Variants in SYNPR observed in about 807,000 individuals in gnomAD.
The protein encoded by SYNPR is synaptoporin.
SYNPR carries 23 observed loss-of-function variants against 32.9 expected under a neutral mutation model. The ratio of observed to expected loss-of-function variants is 0.70; its 90% CI spans 0.50 to 0.99. SYNPR has a LOEUF of 0.99. SYNPR is among the 50% of genes least tolerant of loss of function. The pLI is 0.00. For synonymous variants in SYNPR, 146 were observed against 135.9 expected, an observed-to-expected ratio of 1.07 and a Z score of -0.52; for missense variants, 318 against 349.3, an observed-to-expected ratio of 0.91 and a Z score of 0.71.
chr3:63,601,057 G>A (rs1283448258), intron 4 of SYNPR, among the ~76,000 whole-genome samples: 1 of 152,148 alleles, frequency 6.6e-6, no homozygotes, highest in Non-Finnish European at 1.5e-5. Context: ...CAGATCACCT[G>A]AGGTCGGGAG....
At position 63,271,856 on chromosome 3, in the gene SYNPR, T is replaced by C. The variant is rs886854843; in HGVS notation, n.287+4407T>C. Among the ~76,000 whole-genome samples, 7 of 152,246 alleles carry C rather than the reference T, an allele frequency of 4.6e-5. No individual in the cohort carries two copies. The East Asian group carries it at 1.4e-3, about 29-fold the overall frequency. ...TTAGGATTATCCAATAATGTATGTGTATGTGTATCCGTACATCCCCCAAAA... is the reference window on the plus strand; with the variant it reads ...TTAGGATTATCCAATAATGTATGTGCATGTGTATCCGTACATCCCCCAAAA... On this transcript the variant is annotated intron_variant and non_coding_transcript_variant, in intron 3 of 4. Transcript: ENST00000478456.
At chr3:63,500,862 C>T (rs1001404111) in intron 3 of SYNPR, among the ~76,000 whole-genome samples, 1 of 152,086 alleles carries the variant, frequency 6.6e-6, no homozygotes, top group African/African-American at 2.4e-5. Flanking sequence ...ATAAACTATA[C>T]ATTATAGTAC....
chr3:63,322,469 G>A (rs2087121046), intron 2 of SYNPR, among the ~76,000 whole-genome samples: 1 of 152,006 alleles, frequency 6.6e-6, no homozygotes. Flanking sequence ...AGTAAGTCAG[G>A]GCTTAAATCC....
chr3:63,232,403 A>G (rs971632347), intron 1 of SYNPR, among the ~76,000 whole-genome samples: 1 of 151,866 alleles, frequency 6.6e-6, no homozygotes, highest in Non-Finnish European at 1.5e-5. Context: ...CGTTTTTGCC[A>G]TGTTGGCCAG....
At chr3:63,398,242 G>T (rs1341201097) in intron 2 of SYNPR, among the ~76,000 whole-genome samples, 4 of 152,326 alleles carry the variant, frequency 2.6e-5, no homozygotes, top group Non-Finnish European at 2.9e-5. Flanking sequence ...GAGCGTAAGA[G>T]CTGGCACTTG....
At position 63,249,926 on chromosome 3, in the gene SYNPR, A is replaced by G. The variant is rs143627502; in HGVS notation, n.67-2573A>G. Among the ~76,000 whole-genome samples the G allele has an allele frequency of 9.9e-5, 15 of 152,232 alleles. 1 individual carries two copies. In the East Asian group the frequency reaches 2.7e-3, roughly 27 times the overall value. On this transcript the variant is annotated intron_variant and non_coding_transcript_variant, in intron 1 of 4. Coordinates refer to the SYNPR transcript ENST00000478456. ...AGAATGTCTGGCTTTTGAGTTCCAA[A>G]AGCCTAGACTCTGACATCAAGAAAA...
chr3:63,531,525 A>T (rs1159879571), intron 3 of SYNPR, among the ~76,000 whole-genome samples: 1 of 152,176 alleles, frequency 6.6e-6, no homozygotes, highest in South Asian at 2.1e-4. Flanking sequence ...ACCCTACTCG[A>T]GTATAACCTC....
At chr3:63,504,067 T>C (rs1187856305) in intron 3 of SYNPR, among the ~76,000 whole-genome samples, 2 of 152,148 alleles carry the variant, frequency 1.3e-5, no homozygotes, top group Non-Finnish European at 2.9e-5. Context: ...CTTTAGCAAG[T>C]ACTATATATA....
At chr3:63,413,082 T>C (rs2088489350) in intron 2 of SYNPR, among the ~76,000 whole-genome samples, 1 of 152,212 alleles carries the variant, frequency 6.6e-6, no homozygotes, top group Non-Finnish European at 1.5e-5. Flanking sequence ...CAGTGTACTA[T>C]TATACTTTAT....
At chr3:63,486,617 A>G (rs1184791980) in intron 3 of SYNPR, among the ~76,000 whole-genome samples, 3 of 152,216 alleles carry the variant, frequency 2.0e-5, no homozygotes, top group African/African-American at 7.2e-5. Context: ...GTGTGAGAAC[A>G]TTACCATCTT....
At chr3:63,572,565 G>A (rs1378229328) in intron 4 of SYNPR, among the ~76,000 whole-genome samples, 2 of 151,980 alleles carry the variant, frequency 1.3e-5, no homozygotes, top group Non-Finnish European at 1.5e-5. Context: ...AGGGAAAGAG[G>A]TCAGAAATTA....
intron 3 of SYNPR, among the ~76,000 whole-genome samples, chr3:63,509,280 ATG>A (rs1323956482): frequency 2.4e-5 from 2 of 84,840 alleles, no homozygotes; most frequent in Non-Finnish European, 4.3e-5. Flanking sequence ...AGTTATATAT[ATG>A]TGTGTGTATA....
upstream of SYNPR, among the ~76,000 whole-genome samples, chr3:63,273,516 T>G (rs544396583): frequency 6.6e-6 from 1 of 152,306 alleles, no homozygotes; most frequent in East Asian, 1.9e-4. Flanking sequence ...GCTATTATTA[T>G]TCTCTGGGGT....
chr3:63,397,158 G>A (rs2088226828), intron 2 of SYNPR, among the ~76,000 whole-genome samples: 1 of 151,872 alleles, frequency 6.6e-6, no homozygotes, highest in African/African-American at 2.4e-5. Context: ...GGGGAAGGGA[G>A]GAGTTAATTC....
chr3:63,207,547 C>T, the SYNPR span, among the ~76,000 whole-genome samples: 9 of 152,068 alleles, frequency 5.9e-5, no homozygotes, highest in African/African-American at 2.2e-4. Context: ...TTTATATGGA[C>T]TTATCTAAAA....
At chr3:63,491,526 A>C (rs988194831) in intron 3 of SYNPR, among the ~76,000 whole-genome samples, 1 of 151,868 alleles carries the variant, frequency 6.6e-6, no homozygotes, top group Non-Finnish European at 1.5e-5. Context: ...ATATGCATAT[A>C]TATAATTTTT....
chr3:63,209,473 TG>T, the SYNPR span, among the ~76,000 whole-genome samples: 1 of 152,106 alleles, frequency 6.6e-6, no homozygotes, highest in Admixed American at 6.6e-5. Context: ...CTGAACAGTC[TG>T]GGGGGGTTAA....
chr3:63,313,900 CATATATATATCCATAT>C (rs2087006124), intron 2 of SYNPR, among the ~76,000 whole-genome samples: 3 of 5,644 alleles, frequency 5.3e-4, no homozygotes, highest in Admixed American at 3.0e-3. Context: ...TATATATATC[CATATATATATCCATAT>C]ATATATATAT....
intron 4 of SYNPR, among the ~76,000 whole-genome samples, chr3:63,595,278 C>G (rs1688071299): frequency 6.6e-6 from 1 of 152,106 alleles, no homozygotes; most frequent in Admixed American, 6.6e-5. Flanking sequence ...AATTTCTCCT[C>G]TCTAGTAAAG....
Sources: gnomAD v4.1 joint callset for allele counts (sites outside exome capture counted in the v4.1 genomes callset) on GRCh38, gnomAD v4.1.1 for gene constraint, MANE v1.5 for transcripts, NCBI Gene and HGNC (gene_info 2026-07-23, HGNC 2026-07-21) for gene names.